Variants in NPAS3 observed in about 807,000 individuals in gnomAD.
NPAS3 encodes neuronal PAS domain protein 3, also known as neuronal PAS domain-containing protein 3.
Under a neutral mutation model 73.1 loss-of-function variants are expected in NPAS3, and 14 were observed. The observed-to-expected ratio is 0.19, with a 90% CI of 0.13 to 0.30. NPAS3 has a LOEUF of 0.30. Among genes scored for constraint, NPAS3 ranks in the 10% least tolerant of loss-of-function variants. The probability of loss-of-function intolerance (pLI) is 1.00; values close to 1 mark genes in which losing one functional copy is unlikely to be tolerated. For missense variants in NPAS3, 1,096 were observed against 1,250.0 expected (o/e 0.88, Z 1.86); for synonymous variants, 620 against 541.5 (o/e 1.14, Z -2.01).
At position 33,694,260 on chromosome 14, in the gene NPAS3, T is replaced by G. The variant is rs1319190095; in HGVS notation, c.733+17875T>G. 2.6e-5 allele frequency among the ~76,000 whole-genome samples: 4 copies of G among 152,286 alleles called. No homozygotes were observed. In the East Asian group the frequency reaches 7.7e-4, roughly 29 times the overall value. ...TTATTCAATGCAAGATATTAAAACA[T>G]TATCTAAGAAATGATATGTGTTAGT... On this transcript the variant is annotated intron_variant, in intron 6 of 11. Coordinates refer to ENST00000356141, the Ensembl canonical transcript of NPAS3.
intron 2 of NPAS3, among the ~76,000 whole-genome samples, chr14:33,107,647 C>G (rs2042764290): frequency 1.3e-5 from 2 of 152,090 alleles, no homozygotes; most frequent in Admixed American, 1.3e-4. Flanking sequence ...TTTCTTTATA[C>G]AGTCCACCAT....
chr14:33,120,017 T>A (rs1439855915), intron 2 of NPAS3, among the ~76,000 whole-genome samples: 1 of 152,144 alleles, frequency 6.6e-6, no homozygotes, highest in Non-Finnish European at 1.5e-5. Context: ...ACTTTGTTTT[T>A]TTTTTGAGAC....
chr14:33,347,991 C>T (rs1437700655), intron 3 of NPAS3, among the ~76,000 whole-genome samples: 1 of 152,010 alleles, frequency 6.6e-6, no homozygotes, highest in Admixed American at 6.6e-5. Flanking sequence ...TCAGTAGGAG[C>T]CTGTCTTCCA....
intron 6 of NPAS3, among the ~76,000 whole-genome samples, chr14:33,720,158 C>T (rs531776689): frequency 6.6e-6 from 1 of 152,248 alleles, no homozygotes; most frequent in South Asian, 2.1e-4. Flanking sequence ...TGATTCTTCT[C>T]TAGAGCCTCC....
At chr14:33,283,203 T>C (rs2041700947) in intron 3 of NPAS3, among the ~76,000 whole-genome samples, 1 of 152,178 alleles carries the variant, frequency 6.6e-6, no homozygotes, top group Non-Finnish European at 1.5e-5. Flanking sequence ...CCAGAGAGGA[T>C]AAATGACATG....
At chr14:33,013,228 C>T (rs2139658990) in intron 1 of NPAS3, among the ~76,000 whole-genome samples, 1 of 152,270 alleles carries the variant, frequency 6.6e-6, no homozygotes, top group East Asian at 1.9e-4. Context: ...TTCATAAATA[C>T]ATGGATCTCT....
At chr14:33,077,993 G>T (rs1381053639) in intron 2 of NPAS3, among the ~76,000 whole-genome samples, 1 of 151,736 alleles carries the variant, frequency 6.6e-6, no homozygotes, top group Non-Finnish European at 1.5e-5. Flanking sequence ...CGAAAAATTA[G>T]TTGGGCGTGG....
intron 3 of NPAS3, among the ~76,000 whole-genome samples, chr14:33,296,883 G>T (rs2042323559): frequency 6.6e-6 from 1 of 152,158 alleles, no homozygotes; most frequent in African/African-American, 2.4e-5. Flanking sequence ...GCTGATGACT[G>T]TGGCTAACTA....
At chr14:33,410,331 G>T (rs2047866243) in intron 4 of NPAS3, among the ~76,000 whole-genome samples, 1 of 152,112 alleles carries the variant, frequency 6.6e-6, no homozygotes, top group South Asian at 2.1e-4. Flanking sequence ...TTTTGACACT[G>T]TTCATCTGTT....
intron 1 of NPAS3, among the ~76,000 whole-genome samples, chr14:33,030,029 T>C (rs1243464973): frequency 6.6e-6 from 1 of 152,206 alleles, no homozygotes; most frequent in African/African-American, 2.4e-5. Context: ...TTGGCAATGC[T>C]TAATAAATGC....
chr14:33,483,118 A>G (rs767340866), intron 4 of NPAS3, among the ~76,000 whole-genome samples: 3 of 152,196 alleles, frequency 2.0e-5, no homozygotes, highest in Non-Finnish European at 2.9e-5. Flanking sequence ...TGTGGTAACA[A>G]TGAAAAGCTG....
chr14:33,020,664 A>G (rs1456814639), intron 1 of NPAS3, among the ~76,000 whole-genome samples: 1 of 152,006 alleles, frequency 6.6e-6, no homozygotes, highest in East Asian at 1.9e-4. Flanking sequence ...TTTGCTTCCC[A>G]GCTCGCCTGC....
chr14:33,642,212 T>C (rs1427670215), intron 5 of NPAS3, among the ~76,000 whole-genome samples: 1 of 152,182 alleles, frequency 6.6e-6, no homozygotes, highest in East Asian at 1.9e-4. Flanking sequence ...ATCCTTTTGC[T>C]TAGAGCTCTA....
At chr14:33,632,109 T>C (rs2058393268) in intron 5 of NPAS3, among the ~76,000 whole-genome samples, 1 of 152,206 alleles carries the variant, frequency 6.6e-6, no homozygotes, top group Non-Finnish European at 1.5e-5. Context: ...GACGATATTA[T>C]CTGTGTAACT....
At chr14:33,350,665 C>T (rs2044997819) in intron 3 of NPAS3, among the ~76,000 whole-genome samples, 1 of 152,176 alleles carries the variant, frequency 6.6e-6, no homozygotes, top group South Asian at 2.1e-4. Context: ...ATTCGTGATA[C>T]CTGACTAATA....
At chr14:33,355,918 G>T (rs1415633468) in intron 3 of NPAS3, among the ~76,000 whole-genome samples, 1 of 152,106 alleles carries the variant, frequency 6.6e-6, no homozygotes, top group Non-Finnish European at 1.5e-5. Flanking sequence ...TGCTATTATT[G>T]TTGTCGTCTG....
intron 3 of NPAS3, among the ~76,000 whole-genome samples, chr14:33,365,953 A>C (rs1566836005): frequency 6.6e-6 from 1 of 152,164 alleles, no homozygotes; most frequent in Admixed American, 6.5e-5. Flanking sequence ...TTTTGATTTT[A>C]TTTTCAATTA....
chr14:32,939,039 G>T (rs1418459202), upstream of NPAS3, among the ~76,000 whole-genome samples: 3 of 146,134 alleles, frequency 2.1e-5, no homozygotes, highest in East Asian at 6.0e-4. Flanking sequence ...AGCACCGGCG[G>T]CGCGAGGGGA....
At chr14:33,478,806 T>A (rs981517411) in intron 4 of NPAS3, among the ~76,000 whole-genome samples, 2 of 152,222 alleles carry the variant, frequency 1.3e-5, no homozygotes, top group Non-Finnish European at 2.9e-5. Context: ...ACTTGTGTTA[T>A]CTTCTTTTTT....
Sources: allele counts gnomAD v4.1 joint callset (sites outside exome capture counted in the v4.1 genomes callset), GRCh38; gene constraint gnomAD v4.1.1; transcripts MANE v1.5; gene names NCBI Gene and HGNC (gene_info 2026-07-23, HGNC 2026-07-21).